The following KATNAL2 variants were observed in gnomAD, a reference collection of about 807,000 sequenced individuals.
KATNAL2 encodes katanin catalytic subunit A1 like 2.
In KATNAL2, 52 loss-of-function variants were observed where a neutral mutation model predicts 76.3. That is an observed-to-expected ratio of 0.68 (90% CI 0.55 to 0.86). The LOEUF (loss-of-function observed/expected upper bound fraction) is 0.86, where lower values mean the gene tolerates loss of function less well. KATNAL2 is among the 40% of genes least tolerant of loss of function. KATNAL2 has a pLI of 0.00. For missense variants in KATNAL2, 660 were observed against 668.9 expected (o/e 0.99, Z 0.15); for synonymous variants, 243 against 244.2 (o/e 1.00, Z 0.05).
At chr18:47,045,552 A>G (rs1484690366) in intron 3 of KATNAL2, among the ~76,000 whole-genome samples, 1 of 151,962 alleles carries the variant, frequency 6.6e-6, no homozygotes, top group Non-Finnish European at 1.5e-5. Flanking sequence ...CAAACTCCTG[A>G]CCTCAAGTGA....
chr18:47,047,178 C>T (rs1263002429), intron 4 of KATNAL2, among the ~76,000 whole-genome samples: 1 of 152,172 alleles, frequency 6.6e-6, no homozygotes, highest in Non-Finnish European at 1.5e-5. Flanking sequence ...ACCTCAGCCT[C>T]CCAAAGTTCT....
At position 46,917,645 on chromosome 18, in the gene KATNAL2, C is replaced by G; in HGVS notation, c.-791C>G. 1.3e-6 allele frequency: 1 copy of G among 795,072 alleles called. No homozygotes were observed. 49.3% of individuals were successfully genotyped at this position (795,072 alleles called of 1,614,324 possible). ...GCCCGCCCGCGCCTGCCCCGGCGTG[C>G]TGCCCCGCGGCTTGGCCCCGCTCGG... On this transcript the variant is annotated 5_prime_UTR_variant, in exon 1 of 18. Coordinates refer to ENST00000683218, the MANE Select transcript of KATNAL2 (RefSeq NM_001387690.1).
chr18:47,077,583 T>C, intron 15 of KATNAL2, 122 bp downstream of exon 15: 1 of 684,074 alleles, frequency 1.5e-6, no homozygotes, highest in Non-Finnish European at 2.6e-6. Context: ...GGAAGATTAA[T>C]GTGGAGGCTT....
In KATNAL2 at chr18:47,062,217, CAA is replaced by C. The variant is rs538202303; in HGVS notation, c.550-748_550-747del. 9.9e-4 allele frequency among the ~76,000 whole-genome samples: 151 copies of C among 151,764 alleles called. 1 individual carries two copies. Among genetic ancestry groups the C allele is most frequent in the African/African-American group, 3.6e-3 (147 of 41,392 alleles). On this transcript the variant is annotated intron_variant, in intron 8 of 17. Transcript: ENST00000683218. ...GCAACATAAAGAGACCCCACTTCTG[CAA>C]AAAAAATTTTTTTAATTAGCCAAAA...
chr18:46,945,613 T>A (rs1203849329), intron 1 of KATNAL2, among the ~76,000 whole-genome samples: 1 of 152,226 alleles, frequency 6.6e-6, no homozygotes, highest in East Asian at 1.9e-4. Context: ...CAGGTTTGCA[T>A]CCTAACTCTA....
intron 1 of KATNAL2, among the ~76,000 whole-genome samples, chr18:46,935,776 C>T (rs750518872): frequency 6.6e-6 from 1 of 152,024 alleles, no homozygotes; most frequent in East Asian, 1.9e-4. Flanking sequence ...ATTAGCCAGG[C>T]ATGGTGGTGT....
chr18:47,084,545 A>T (rs965231727), intron 15 of KATNAL2: 1 of 610,080 alleles, frequency 1.6e-6, no homozygotes, highest in African/African-American at 1.8e-5. Flanking sequence ...GGGTTGCTCA[A>T]TGTCTTTAAA....
At position 46,946,231 on chromosome 18, in the gene KATNAL2, G is replaced by T; in HGVS notation, c.-335G>T. On this transcript the variant is annotated 5_prime_UTR_variant, in exon 2 of 18. Transcript: ENST00000683218. ...CTAGTTAACACATGAAAAAAATAGA[G>T]CAGAGGAAAACACGTCCATGTTTTT... The T allele has an allele frequency of 9.2e-7, 1 of 1,084,262 alleles. No individual in the cohort carries two copies. The highest frequency in any genetic ancestry group is 1.1e-6 in the Non-Finnish European group (1 of 884,326). The allele number at this position is 1,084,262 out of a possible 1,614,324, so 67.2% of individuals were successfully genotyped here.
intron 15 of KATNAL2, among the ~76,000 whole-genome samples, chr18:47,097,045 G>C (rs2063274652): frequency 6.6e-6 from 1 of 150,522 alleles, no homozygotes. Context: ...CTTGAGTCCA[G>C]GAGGTGTAGG....
At chr18:47,068,155 C>G (rs916283016) in intron 11 of KATNAL2, among the ~76,000 whole-genome samples, 3 of 152,212 alleles carry the variant, frequency 2.0e-5, no homozygotes, top group African/African-American at 7.2e-5. Flanking sequence ...CAGGGCCAGG[C>G]CCAGATTCAA....
At chr18:47,055,953 A>G (rs1283043020) in intron 6 of KATNAL2, among the ~76,000 whole-genome samples, 1 of 152,240 alleles carries the variant, frequency 6.6e-6, no homozygotes, top group Non-Finnish European at 1.5e-5. Flanking sequence ...ATAACTAGGA[A>G]AGTAATGAAT....
chr18:47,062,874 C>T, intron 8 of KATNAL2, 98 bp from the exon 9 acceptor site: 2 of 845,816 alleles, frequency 2.4e-6, no homozygotes, highest in South Asian at 3.6e-5. Context: ...CCCTATATAC[C>T]AGGGTCTATA....
intron 1 of KATNAL2, among the ~76,000 whole-genome samples, chr18:46,928,876 A>T (rs566358057): frequency 1.3e-5 from 2 of 151,162 alleles, no homozygotes; most frequent in Admixed American, 6.6e-5. Flanking sequence ...GCTCGCTGCA[A>T]CCTCCACCTC....
At chr18:46,962,032 T>C (rs1008535756) in intron 3 of KATNAL2, among the ~76,000 whole-genome samples, 3 of 152,212 alleles carry the variant, frequency 2.0e-5, no homozygotes, top group Non-Finnish European at 4.4e-5. Flanking sequence ...GTCTTGTATG[T>C]TAGTCCTTCC....
At chr18:46,924,490 A>G (rs1377834457) in intron 1 of KATNAL2, among the ~76,000 whole-genome samples, 2 of 152,214 alleles carry the variant, frequency 1.3e-5, no homozygotes, top group Non-Finnish European at 2.9e-5. Context: ...CTTGTAGTAT[A>G]GTTTGAAGTC....
At chr18:46,961,335 T>A (rs1262283673) in intron 3 of KATNAL2, among the ~76,000 whole-genome samples, 4 of 152,228 alleles carry the variant, frequency 2.6e-5, no homozygotes, top group Non-Finnish European at 4.4e-5. Context: ...CCCACCTCAT[T>A]TCCCCTGTAG....
At chr18:46,939,450 C>T (rs1443590337) in intron 1 of KATNAL2, among the ~76,000 whole-genome samples, 1 of 151,994 alleles carries the variant, frequency 6.6e-6, no homozygotes, top group Non-Finnish European at 1.5e-5. Flanking sequence ...CTGAAACTTA[C>T]AGGGTATTCT....
rs1599371055 is a variant in KATNAL2 at position 46,939,004 on chromosome 18, T to C, written c.-509-7053T>C. On this transcript the variant is annotated intron_variant, in intron 1 of 17. Coordinates refer to ENST00000683218, the MANE Select transcript of KATNAL2 (RefSeq NM_001387690.1). ...GACTTTATTCTCTATTCTATCCCCATTGATTGACTCACGTCAAGTATGAAA... is the reference window on the plus strand; with the variant it reads ...GACTTTATTCTCTATTCTATCCCCACTGATTGACTCACGTCAAGTATGAAA... Among the ~76,000 whole-genome samples the C allele has an allele frequency of 3.3e-5, 5 of 152,280 alleles. 1 individual carries two copies. The South Asian group carries it at 1.0e-3, about 32-fold the overall frequency.
intron 15 of KATNAL2, among the ~76,000 whole-genome samples, chr18:47,082,488 AAAAAT>A (rs1433409736): frequency 2.6e-5 from 4 of 152,242 alleles, no homozygotes; most frequent in Non-Finnish European, 4.4e-5. Context: ...TGTTTATTAA[AAAAAT>A]AAAATAAAAT....
Sources: allele counts gnomAD v4.1 joint callset (sites outside exome capture counted in the v4.1 genomes callset), GRCh38; gene constraint gnomAD v4.1.1; transcripts MANE v1.5; gene names NCBI Gene and HGNC (gene_info 2026-07-23, HGNC 2026-07-21).